Variants in FAAH2 observed in about 807,000 individuals in gnomAD.
FAAH2 encodes the protein fatty acid amide hydrolase 2.
FAAH2 carries 60 observed loss-of-function variants against 36.9 expected under a neutral mutation model. That is an observed-to-expected ratio of 1.63 (90% confidence interval 1.32 to 2.02). The LOEUF is 2.02. Among genes scored for constraint, FAAH2 ranks in the 30% most tolerant of loss-of-function variants. The pLI is 0.00. For missense variants in FAAH2, 689 were observed against 397.5 expected (o/e 1.73, Z -6.23); for synonymous variants, 214 against 143.8 (o/e 1.49, Z -3.49).
intron 5 of FAAH2, among the ~76,000 whole-genome samples, chrX:57,350,520 A>T (rs1179041039): frequency 1.8e-5 from 2 of 111,133 alleles, no homozygotes; most frequent in Admixed American, 9.6e-5. Flanking sequence ...GTCAATAATA[A>T]TTATGAACAT....
intron 6 of FAAH2, among the ~76,000 whole-genome samples, chrX:57,380,052 A>G (rs757171184): frequency 1.8e-5 from 2 of 111,074 alleles, no homozygotes; most frequent in Non-Finnish European, 3.8e-5. Flanking sequence ...GTAATGCATA[A>G]TAATCGCTTC....
chrX:57,481,391 A>G (rs1318202724), intron 10 of FAAH2, among the ~76,000 whole-genome samples: 5 of 110,908 alleles, frequency 4.5e-5, no homozygotes, highest in African/African-American at 1.6e-4. Flanking sequence ...TTTACCTTTG[A>G]TCTTTAAAGC....
intron 5 of FAAH2, among the ~76,000 whole-genome samples, chrX:57,377,004 T>C (rs938886539): frequency 3.6e-5 from 4 of 112,331 alleles, no homozygotes; most frequent in African/African-American, 1.3e-4. Context: ...TTGATGTTTT[T>C]GTTTTCTTGT....
intron 9 of FAAH2, among the ~76,000 whole-genome samples, 166 bp downstream of exon 9, chrX:57,447,205 G>T (rs1264798006): frequency 2.7e-5 from 3 of 111,935 alleles, no homozygotes; most frequent in African/African-American, 6.5e-5. Flanking sequence ...CTCACATCCA[G>T]GTCACGCTGA....
intron 6 of FAAH2, among the ~76,000 whole-genome samples, chrX:57,379,107 C>A (rs770009856): frequency 5.4e-5 from 6 of 111,866 alleles, no homozygotes; most frequent in Non-Finnish European, 1.1e-4. Flanking sequence ...ATTCTTCTGA[C>A]ATCTGTCACC....
chrX:57,403,113 A>C (rs941365746), intron 7 of FAAH2, among the ~76,000 whole-genome samples: 1 of 111,970 alleles, frequency 8.9e-6, no homozygotes, highest in African/African-American at 3.3e-5. Flanking sequence ...GAGAGGAAAA[A>C]GGCACATGCA....
the FAAH2 span, among the ~76,000 whole-genome samples, chrX:57,265,138 C>A: frequency 9.0e-6 from 1 of 111,337 alleles, no homozygotes; most frequent in Non-Finnish European, 1.9e-5. Context: ...TGAACCCACT[C>A]CACGTGGGCC....
chrX:57,165,841 T>C, the FAAH2 span, among the ~76,000 whole-genome samples: 1 of 111,158 alleles, frequency 9.0e-6, no homozygotes, highest in African/African-American at 3.3e-5. Context: ...CCTTTGGGCC[T>C]GTGCCTGCAG....
intron 10 of FAAH2, among the ~76,000 whole-genome samples, chrX:57,473,475 C>T (rs921054608): frequency 9.0e-6 from 1 of 111,282 alleles, no homozygotes; most frequent in Non-Finnish European, 1.9e-5. Flanking sequence ...ATGTTCCATG[C>T]ACAAGTGAGC....
upstream of FAAH2, chrX:57,286,694 G>A: frequency 3.2e-6 from 2 of 626,689 alleles, no homozygotes; most frequent in Non-Finnish European, 4.4e-6. Context: ...AAGCTCCTGT[G>A]GAATTGTGGG....
rs770353035 is a variant in FAAH2, at chrX:57,488,716, A to G, written c.1424-41A>G. 9 of 1,171,949 alleles carry G rather than the reference A, an allele frequency of 7.7e-6. No individual in the cohort carries two copies. The Admixed American group carries it at 2.2e-4, about 28-fold the overall frequency. On this transcript the variant is annotated intron_variant, in intron 10 of 10. Transcript: ENST00000374900. ...TAATTGAAAAAATACGTTTTCAGGA[A>G]CAGGTCTTGATTTCTCACTTATTTT...
At chrX:57,295,380 C>A (rs2052106148) in intron 2 of FAAH2, among the ~76,000 whole-genome samples, 1 of 112,088 alleles carries the variant, frequency 8.9e-6, no homozygotes, top group Non-Finnish European at 1.9e-5. Context: ...CCTAGTCTTT[C>A]TCTGGCACCC....
chrX:57,347,567 AG>A (rs1268702500), intron 5 of FAAH2, among the ~76,000 whole-genome samples: 1 of 102,451 alleles, frequency 9.8e-6, no homozygotes, highest in African/African-American at 3.6e-5. Flanking sequence ...TCTGTCAAAA[AG>A]GCTAGTTTGT....
chrX:57,278,633 T>C, the FAAH2 span, among the ~76,000 whole-genome samples: 2 of 72,715 alleles, frequency 2.8e-5, no homozygotes, highest in South Asian at 5.3e-4. Context: ...ATAATAACAA[T>C]AAAACAAAAA....
At position 57,286,946 on chromosome X, in the gene FAAH2, C is replaced by T. The variant is rs1188670817; in HGVS notation, c.121C>T (p.Pro41Ser). The change falls in exon 1 of 11, where the codon CCT becomes TCT. Residue 41 changes from proline to serine, a missense_variant. By Grantham distance (74) the Pro-to-Ser change is moderately conservative. Transcript: ENST00000374900. ...LGGPKFASKTPRPVTEPLLLL... is the reference protein window; with the variant it reads ...LGGPKFASKTSRPVTEPLLLL... ...GGGTCCAAAGTTTGCCTCAAAGACC[C>T]CTCGGCCGGTGACTGAACCATTGCT... The T allele has an allele frequency of 8.3e-7, 1 of 1,204,342 alleles. No individual in the cohort carries two copies. The highest frequency in any genetic ancestry group is 1.1e-6 in the Non-Finnish European group (1 of 891,923).
intron 5 of FAAH2, among the ~76,000 whole-genome samples, chrX:57,375,847 A>T (rs1377220901): frequency 8.9e-6 from 1 of 111,855 alleles, no homozygotes; most frequent in Middle Eastern, 4.2e-3. Flanking sequence ...TTTTTTAAAG[A>T]TGCTTTATTC....
intron 3 of FAAH2, among the ~76,000 whole-genome samples, chrX:57,325,370 G>C (rs2053182102): frequency 9.0e-6 from 1 of 111,550 alleles, no homozygotes; most frequent in African/African-American, 3.3e-5. Flanking sequence ...AGTTAGGGAG[G>C]ATTCCCTATT....
the FAAH2 span, among the ~76,000 whole-genome samples, chrX:57,266,031 C>T: frequency 9.0e-6 from 1 of 111,289 alleles, no homozygotes; most frequent in African/African-American, 3.3e-5. Context: ...TTAGCTATTT[C>T]AGCCTTCAAG....
intron 1 of FAAH2, chrX:57,290,223 C>T (rs1448541895): frequency 5.7e-6 from 4 of 706,874 alleles, no homozygotes; most frequent in East Asian, 1.6e-4. Context: ...TTCTCACGTG[C>T]TGCATGCTAC....
Sources: allele counts gnomAD v4.1 joint callset (sites outside exome capture counted in the v4.1 genomes callset), GRCh38; gene constraint gnomAD v4.1.1; transcripts MANE v1.5; gene names NCBI Gene and HGNC (gene_info 2026-07-23, HGNC 2026-07-21).